Variants in OTUD7A observed in about 807,000 individuals in gnomAD.
OTUD7A encodes OTU deubiquitinase 7A.
OTUD7A carries 12 observed loss-of-function variants against 65.7 expected under a neutral mutation model. That is an observed-to-expected ratio of 0.18 (90% CI 0.12 to 0.30). The LOEUF is 0.30. Ranked by LOEUF, OTUD7A falls within the 10% of genes least tolerant of loss-of-function variation. The probability of loss-of-function intolerance (pLI) is 1.00; values close to 1 mark genes in which losing one functional copy is unlikely to be tolerated. For synonymous variants in OTUD7A, 641 were observed against 586.3 expected, an observed-to-expected ratio of 1.09 and a Z score of -1.35; for missense variants, 1,148 against 1,304.8, an observed-to-expected ratio of 0.88 and a Z score of 1.85.
chr15:31,491,376 T>C (rs2041315484), intron 10 of OTUD7A, among the ~76,000 whole-genome samples: 1 of 152,142 alleles, frequency 6.6e-6, no homozygotes, highest in East Asian at 1.9e-4. Flanking sequence ...AAGAATGATT[T>C]TGAGGGGCTG....
chr15:31,776,446 G>A (rs1895382619), intron 1 of OTUD7A, among the ~76,000 whole-genome samples: 1 of 152,148 alleles, frequency 6.6e-6, no homozygotes, highest in African/African-American at 2.4e-5. Flanking sequence ...GCAGCCTGTG[G>A]TGTGACTGGA....
intron 1 of OTUD7A, among the ~76,000 whole-genome samples, chr15:31,703,516 CAAT>C (rs1893260285): frequency 6.6e-6 from 1 of 151,904 alleles, no homozygotes; most frequent in Non-Finnish European, 1.5e-5. Flanking sequence ...AATTAAAACA[CAAT>C]GAGTTATCAT....
At chr15:31,860,677 G>GTGTATATATATATATATA (rs560896384) in intron 1 of OTUD7A, among the ~76,000 whole-genome samples, 11,328 of 73,098 alleles carry the variant, frequency 0.15, 1,838 homozygotes, top group Admixed American at 0.2. Flanking sequence ...ATGTATGTGT[G>GTGTATATATATATATATA]TATATATATA....
Position 31,854,932 on chromosome 15 carries a change from T to C in OTUD7A, c.-100+15575A>G, listed in dbSNP as rs147291966. On this transcript the variant is annotated intron_variant, in intron 1 of 12. Transcript: ENST00000307050. ...ATAAATGGAATAGGGATGAAAACCA[T>C]ATTAGATGCAACTAAATAATAGAAT... Among the ~76,000 whole-genome samples, 5 of 151,998 alleles carry C rather than the reference T, an allele frequency of 3.3e-5. No homozygotes were observed. In the East Asian group the frequency reaches 9.7e-4, roughly 29 times the overall value.
Position 31,481,901 on chromosome 15 carries a change from G to A in OTUD7A, c.*1393C>T, listed in dbSNP as rs2041126320. 6.6e-6 allele frequency: 1 copy of A among 152,194 alleles called. No individual in the cohort carries two copies. The highest frequency in any genetic ancestry group is 2.1e-4 in the South Asian group (1 of 4,828). The allele number at this position is 152,194 out of a possible 1,614,324, so 9.4% of individuals were successfully genotyped here. ...GCTTTCTCCTGTCCTAGGATTATTA[G>A]AAGCTATTCTAAGGCTCTCACAGGT... On this transcript the variant is annotated 3_prime_UTR_variant, in exon 13 of 13. Coordinates refer to ENST00000307050, the MANE Select transcript of OTUD7A (RefSeq NM_001382637.1).
rs188661633 is a variant in OTUD7A, at chr15:31,601,114, T to C, written c.152-30917A>G. Among the ~76,000 whole-genome samples the C allele has an allele frequency of 4.9e-3, 743 of 152,250 alleles. 6 individuals are homozygous for C. Among genetic ancestry groups the C allele is most frequent in the Middle Eastern group, 0.01 (3 of 294 alleles). ...TCAGCTCCGGACCAAGCAGACCTAA[T>C]AGACACATACAGAACTCTCCACCCC... On this transcript the variant is annotated intron_variant, in intron 3 of 12. Coordinates refer to ENST00000307050, the MANE Select transcript of OTUD7A (RefSeq NM_001382637.1).
chr15:31,830,723 A>G (rs561614593), intron 1 of OTUD7A, among the ~76,000 whole-genome samples: 33 of 152,362 alleles, frequency 2.2e-4, no homozygotes, highest in African/African-American at 7.9e-4. Flanking sequence ...TCCAGTATGA[A>G]GAGACACATT....
chr15:31,865,480 A>C (rs1448168481), intron 1 of OTUD7A, among the ~76,000 whole-genome samples: 1 of 152,254 alleles, frequency 6.6e-6, no homozygotes, highest in Non-Finnish European at 1.5e-5. Context: ...TGCAACGAAG[A>C]CATGACAGGC....
At chr15:31,734,805 G>A (rs571202562) in intron 1 of OTUD7A, among the ~76,000 whole-genome samples, 1 of 151,852 alleles carries the variant, frequency 6.6e-6, no homozygotes, top group South Asian at 2.1e-4. Flanking sequence ...AAAAGCTCTG[G>A]AAGATAACCT....
intron 3 of OTUD7A, among the ~76,000 whole-genome samples, chr15:31,621,936 A>C (rs994563375): frequency 5.9e-5 from 9 of 152,110 alleles, no homozygotes; most frequent in African/African-American, 2.2e-4. Flanking sequence ...TGCTTCCTTC[A>C]GGAGCTCTTG....
At chr15:31,560,392 G>C (rs75946763) in intron 4 of OTUD7A, among the ~76,000 whole-genome samples, 1 of 152,176 alleles carries the variant, frequency 6.6e-6, no homozygotes, top group Non-Finnish European at 1.5e-5. Flanking sequence ...AATGAGAAAC[G>C]CAGTGTAGGA....
intron 1 of OTUD7A, among the ~76,000 whole-genome samples, chr15:31,860,677 G>GTATGTATATATATATATATA (rs1897707792): frequency 1.4e-5 from 1 of 73,284 alleles, no homozygotes; most frequent in African/African-American, 4.6e-5. Context: ...ATGTATGTGT[G>GTATGTATATATATATATATA]TATATATATA....
At chr15:31,748,062 A>C (rs1323507354) in intron 1 of OTUD7A, among the ~76,000 whole-genome samples, 1 of 152,188 alleles carries the variant, frequency 6.6e-6, no homozygotes, top group African/African-American at 2.4e-5. Flanking sequence ...AATTAAGTGC[A>C]ACCTAAGATC....
chr15:31,751,927 A>C (rs1894648493), intron 1 of OTUD7A, among the ~76,000 whole-genome samples: 1 of 152,174 alleles, frequency 6.6e-6, no homozygotes, highest in African/African-American at 2.4e-5. Flanking sequence ...AAGGGCTGAA[A>C]AACTACCTGT....
At chr15:31,759,173 T>C (rs535031025) in intron 1 of OTUD7A, among the ~76,000 whole-genome samples, 3 of 152,328 alleles carry the variant, frequency 2.0e-5, no homozygotes, top group Admixed American at 2.0e-4. Context: ...TCTCCAGCAC[T>C]CCACGCTCTC....
chr15:31,835,466 C>T (rs545825635), intron 1 of OTUD7A, among the ~76,000 whole-genome samples: 2 of 152,156 alleles, frequency 1.3e-5, no homozygotes, highest in Non-Finnish European at 2.9e-5. Flanking sequence ...AATGGTGAGG[C>T]CATGTGCAGC....
rs188814424 is a variant in OTUD7A, at chr15:31,566,464, C to T, written c.331+3554G>A. ...TCAATAGAAAAATGGACAAAGTATG[C>T]GAACAGCCACGTTACAAAGGGGAAA... is the stretch of plus-strand genomic sequence containing the variant. On this transcript the variant is annotated intron_variant, in intron 4 of 12. Coordinates refer to ENST00000307050, the MANE Select transcript of OTUD7A (RefSeq NM_001382637.1). 3.0e-3 allele frequency among the ~76,000 whole-genome samples: 463 copies of T among 152,098 alleles called. 2 individuals carry two copies. Among genetic ancestry groups the T allele is most frequent in the African/African-American group, 0.011 (443 of 41,492 alleles).
chr15:31,769,683 T>C (rs553775005), intron 1 of OTUD7A, among the ~76,000 whole-genome samples: 2 of 152,300 alleles, frequency 1.3e-5, no homozygotes, highest in Admixed American at 1.3e-4. Context: ...TCAAATCTGC[T>C]ATGCTGAGTG....
At chr15:31,669,702 T>C (rs1892429674) in intron 1 of OTUD7A, among the ~76,000 whole-genome samples, 1 of 152,174 alleles carries the variant, frequency 6.6e-6, no homozygotes, top group South Asian at 2.1e-4. Flanking sequence ...AAAGTTCAGC[T>C]GGAGACTTCC....
Sources: allele counts gnomAD v4.1 joint callset (sites outside exome capture counted in the v4.1 genomes callset), GRCh38; gene constraint gnomAD v4.1.1; transcripts MANE v1.5; gene names NCBI Gene and HGNC (gene_info 2026-07-23, HGNC 2026-07-21).